LDB2: variants seen among roughly 807,000 people sequenced by gnomAD.
LDB2 encodes LIM domain-binding protein 2.
A neutral mutation model predicts 44.3 loss-of-function variants in LDB2; 12 were observed. That is an observed-to-expected ratio of 0.27 (90% CI 0.17 to 0.44). The LOEUF is 0.44. Ranked by LOEUF, LDB2 falls within the 20% of genes least tolerant of loss-of-function variation. LDB2 has a pLI of 1.00. For synonymous variants in LDB2, 164 were observed against 174.8 expected (o/e 0.94, Z 0.49); for missense variants, 344 against 473.5 (o/e 0.73, Z 2.54).
intron 1 of LDB2, among the ~76,000 whole-genome samples, chr4:16,860,414 T>C (rs888503279): frequency 1.3e-5 from 2 of 152,160 alleles, no homozygotes; most frequent in Non-Finnish European, 2.9e-5. Context: ...AGATGTGCAA[T>C]CTTCTCAGGT....
chr4:16,761,313 A>G (rs917451968), intron 1 of LDB2, among the ~76,000 whole-genome samples: 31 of 152,202 alleles, frequency 2.0e-4, no homozygotes, highest in African/African-American at 7.2e-4. Context: ...GCAACCTGCT[A>G]CATTTCCCTG....
At chr4:16,753,502 C>T (rs1765877959) in intron 2 of LDB2, among the ~76,000 whole-genome samples, 1 of 152,198 alleles carries the variant, frequency 6.6e-6, no homozygotes, top group South Asian at 2.1e-4. Context: ...AAAAGAGAAA[C>T]AGCAAGTGTA....
chr4:16,632,369 C>A (rs1732211332), intron 2 of LDB2, among the ~76,000 whole-genome samples: 1 of 152,168 alleles, frequency 6.6e-6, no homozygotes, highest in Non-Finnish European at 1.5e-5. Flanking sequence ...AGGCCTTCAA[C>A]AACATTCAAC....
intron 7 of LDB2, chr4:16,503,189 C>A: frequency 6.6e-7 from 1 of 1,518,634 alleles, no homozygotes; most frequent in Admixed American, 2.0e-5. Flanking sequence ...TTTCAACTTG[C>A]CGACATTGGG....
At chr4:16,621,288 CT>C (rs549873941) in intron 2 of LDB2, among the ~76,000 whole-genome samples, 1 of 152,170 alleles carries the variant, frequency 6.6e-6, no homozygotes, top group Non-Finnish European at 1.5e-5. Context: ...CCAGATGCAT[CT>C]TGTAACATGA....
chr4:16,539,751 T>A (rs1733112465), intron 5 of LDB2, among the ~76,000 whole-genome samples: 1 of 152,096 alleles, frequency 6.6e-6, no homozygotes, highest in African/African-American at 2.4e-5. Flanking sequence ...ACAAAATTAA[T>A]CAAATTCACT....
Position 16,748,271 on chromosome 4 carries a change from A to C in LDB2, c.235+10887T>G, listed in dbSNP as rs576321471. Among the ~76,000 whole-genome samples, 5 of 152,338 alleles carry C rather than the reference A, an allele frequency of 3.3e-5. No individual in the cohort carries two copies. In the East Asian group the frequency reaches 7.7e-4, roughly 24 times the overall value. On this transcript the variant is annotated intron_variant, in intron 2 of 7. Coordinates refer to ENST00000304523, the MANE Select transcript of LDB2 (RefSeq NM_001290.5). ...GACAGGGAAGTTCCCATCAAAGAGT[A>C]GTAAGGAGAATACCAATTGGGAAAG...
At chr4:16,809,873 G>A (rs1396623805) in intron 1 of LDB2, among the ~76,000 whole-genome samples, 1 of 152,174 alleles carries the variant, frequency 6.6e-6, no homozygotes, top group African/African-American at 2.4e-5. Context: ...GGCTTTGAAG[G>A]ATTTATAAGA....
intron 1 of LDB2, among the ~76,000 whole-genome samples, chr4:16,850,555 G>A (rs904118559): frequency 6.6e-5 from 10 of 152,170 alleles, no homozygotes; most frequent in African/African-American, 2.2e-4. Flanking sequence ...CCACATTGTA[G>A]AAATTTGAAC....
intron 1 of LDB2, among the ~76,000 whole-genome samples, chr4:16,871,947 A>G (rs1272745159): frequency 6.6e-6 from 1 of 152,128 alleles, no homozygotes; most frequent in Admixed American, 6.6e-5. Context: ...CTTATTCATC[A>G]ATGAAAATTA....
At chr4:16,579,609 A>G (rs927029534) in intron 5 of LDB2, among the ~76,000 whole-genome samples, 1 of 152,142 alleles carries the variant, frequency 6.6e-6, no homozygotes, top group African/African-American at 2.4e-5. Context: ...GCCTCATACC[A>G]TGTTGCCTTT....
At chr4:16,698,871 T>C (rs1185143969) in intron 2 of LDB2, among the ~76,000 whole-genome samples, 3 of 152,228 alleles carry the variant, frequency 2.0e-5, no homozygotes, top group Non-Finnish European at 4.4e-5. Flanking sequence ...AGCAAAGTTA[T>C]ATAGAATACA....
intron 2 of LDB2, among the ~76,000 whole-genome samples, chr4:16,757,786 G>A (rs892169397): frequency 5.3e-5 from 8 of 152,130 alleles, no homozygotes. Context: ...GAGGCTGCTT[G>A]GGGGCACCCA....
chr4:16,647,972 C>G (rs1367439806), intron 2 of LDB2, among the ~76,000 whole-genome samples: 1 of 152,210 alleles, frequency 6.6e-6, no homozygotes, highest in East Asian at 1.9e-4. Flanking sequence ...TATAATGCAT[C>G]TCTTTCCCAC....
intron 1 of LDB2, among the ~76,000 whole-genome samples, chr4:16,865,564 C>T (rs1169643216): frequency 2.6e-5 from 4 of 152,234 alleles, no homozygotes; most frequent in Non-Finnish European, 5.9e-5. Flanking sequence ...GGCCATTTTC[C>T]GTCTGGTAAA....
chr4:16,697,990 AT>A (rs1187894165), intron 2 of LDB2, among the ~76,000 whole-genome samples: 5 of 152,210 alleles, frequency 3.3e-5, no homozygotes, highest in African/African-American at 1.2e-4. Context: ...TAAAAAATGA[AT>A]TCCATTTTGT....
intron 5 of LDB2, among the ~76,000 whole-genome samples, chr4:16,585,372 C>T (rs1716402630): frequency 6.6e-6 from 1 of 152,160 alleles, no homozygotes; most frequent in Admixed American, 6.5e-5. Context: ...CTTGTCAGGC[C>T]TGGATTTGGC....
intron 2 of LDB2, among the ~76,000 whole-genome samples, chr4:16,666,851 G>A (rs985340550): frequency 6.6e-6 from 1 of 152,170 alleles, no homozygotes; most frequent in Non-Finnish European, 1.5e-5. Flanking sequence ...TTTTCTGACA[G>A]CACTTCATTG....
chr4:16,635,005 G>A (rs1578364587), intron 2 of LDB2, among the ~76,000 whole-genome samples: 1 of 152,116 alleles, frequency 6.6e-6, no homozygotes, highest in Non-Finnish European at 1.5e-5. Flanking sequence ...CATGGATGAA[G>A]CTGGAAACCA....
Sources: gnomAD v4.1 joint callset for allele counts (sites outside exome capture counted in the v4.1 genomes callset) on GRCh38, gnomAD v4.1.1 for gene constraint, MANE v1.5 for transcripts, NCBI Gene and HGNC (gene_info 2026-07-23, HGNC 2026-07-21) for gene names.